NRAP: variants seen among roughly 807,000 people sequenced by gnomAD.
NRAP encodes nebulin related anchoring protein, also known as nebulin-related-anchoring protein.
In NRAP, 189 loss-of-function variants were observed where a neutral mutation model predicts 225.9. That is an observed-to-expected ratio of 0.84 (90% confidence interval 0.74 to 0.94). The LOEUF is 0.94. Among genes scored for constraint, NRAP ranks in the 40% least tolerant of loss-of-function variants. NRAP has a pLI of 0.00. For missense variants in NRAP, 2,176 were observed against 2,168.7 expected (o/e 1.00, Z -0.07); for synonymous variants, 769 against 790.7 (o/e 0.97, Z 0.46).
intron 16 of NRAP, among the ~76,000 whole-genome samples, chr10:113,632,386 C>T (rs111866484): frequency 1.7e-3 from 255 of 152,336 alleles, no homozygotes; most frequent in African/African-American, 5.7e-3. Flanking sequence ...ATTGCCCTGG[C>T]AATAACTACT....
chr10:113,608,461 T>C lies in NRAP; in HGVS notation c.3655A>G (p.Thr1219Ala), dbSNP rs1335631382. 3.7e-6 allele frequency: 6 copies of C among 1,613,680 alleles called. No individual in the cohort carries two copies. Among genetic ancestry groups the C allele is most frequent in the Admixed American group, 1.7e-5 (1 of 59,982 alleles). Residue 1219 changes from threonine (T) to alanine (A), a missense_variant, in exon 32 of 42, where the codon ACT becomes GCT. Coordinates refer to ENST00000359988, the MANE Select transcript of NRAP (RefSeq NM_198060.4). ...HSFKYTAVTD[T>A]PNLLHAKFSN... ...AATTTCGCATGAAGGAGGTTGGGAGTGTCTGTCACAGCTGTGTACTTGAAT... is the reference window on the plus strand; with the variant it reads ...AATTTCGCATGAAGGAGGTTGGGAGCGTCTGTCACAGCTGTGTACTTGAAT...
rs1849114299 is a variant in NRAP at position 113,640,162 on chromosome 10, A to G, written c.1428+65T>C. On this transcript the variant is annotated intron_variant, in intron 14 of 41. Coordinates refer to ENST00000359988, the MANE Select transcript of NRAP (RefSeq NM_198060.4). ...TGTTTCTTTCCATCTTGCTACCTAC[A>G]AATCACTCCTCAGGAAGGAAGCGAC... is the stretch of plus-strand genomic sequence containing the variant. 11 of 884,724 alleles carry G rather than the reference A, an allele frequency of 1.2e-5. No individual in the cohort carries two copies. In the East Asian group the frequency reaches 2.8e-4, roughly 23 times the overall value. The allele number at this position is 884,724 out of a possible 1,614,324, so 54.8% of individuals were successfully genotyped here.
chr10:113,637,922 C>A (rs1489422662), intron 14 of NRAP, among the ~76,000 whole-genome samples: 2 of 146,828 alleles, frequency 1.4e-5, no homozygotes, highest in Non-Finnish European at 3.0e-5. Context: ...AACTCTGTCT[C>A]AAAAAAAAAA....
intron 35 of NRAP, among the ~76,000 whole-genome samples, chr10:113,600,069 C>T (rs1490471071): frequency 1.3e-5 from 2 of 152,054 alleles, no homozygotes; most frequent in Admixed American, 6.5e-5. Flanking sequence ...AGAAACATTA[C>T]AATCAAGACC....
chr10:113,621,810 C>T, intron 24 of NRAP, 59 bp downstream of exon 24: 2 of 1,496,936 alleles, frequency 1.3e-6, no homozygotes, highest in Non-Finnish European at 1.8e-6. Context: ...AACACTTGCA[C>T]TAGCACACAC....
intron 14 of NRAP, among the ~76,000 whole-genome samples, chr10:113,639,088 T>C (rs1330215329): frequency 5.5e-5 from 3 of 54,800 alleles, no homozygotes; most frequent in East Asian, 1.0e-3. Context: ...GTAATGTATA[T>C]AGCAAAAAAA....
chr10:113,614,202 G>C lies in NRAP; in HGVS notation c.3281C>G (p.Ala1094Gly). 1 of 1,612,400 alleles carries C rather than the reference G, an allele frequency of 6.2e-7. No homozygotes were observed. The highest frequency in any genetic ancestry group is 8.5e-7 in the Non-Finnish European group (1 of 1,178,418). ...DDISLAHSVY[A>G]TSLQSDVNYK... ...ACTTACATCACTCTGCAGTGAGGTC[G>C]CATACACTGAATGTGCAAGGCTGAT... The change falls in exon 29 of 42, where the codon GCG (alanine) becomes GGG (glycine). Residue 1094 changes from alanine to glycine, a missense_variant. Transcript: ENST00000359988.
At position 113,615,711 on chromosome 10, in the gene NRAP, C is replaced by A. The variant is rs112306766; in HGVS notation, c.3078+1G>T. The A allele has an allele frequency of 6.3e-7, 1 of 1,582,350 alleles. No individual in the cohort carries two copies. Among genetic ancestry groups the A allele is most frequent in the Non-Finnish European group, 8.7e-7 (1 of 1,151,058 alleles). ...ACTCGTGCCCCTTGGGTCAGCCTCA[C>A]CTCACTGATATTCATGGCATTCAGC... is the stretch of plus-strand genomic sequence containing the variant. On this transcript the variant is annotated splice_donor_variant, in intron 27 of 41. Coordinates refer to ENST00000359988, the MANE Select transcript of NRAP (RefSeq NM_198060.4). LOFTEE classifies it high-confidence loss of function.
rs751149299 is a variant in NRAP, at chr10:113,631,561, G to C, written c.1790C>G (p.Thr597Arg). The C allele has an allele frequency of 1.2e-6, 2 of 1,613,454 alleles. No individual in the cohort carries two copies. Among genetic ancestry groups the C allele is most frequent in the Non-Finnish European group, 1.7e-6 (2 of 1,179,540 alleles). ...GGAGTGCAGAAGCCTAGAGTCGGCT[G>C]TTCCCATGGCTTTGCCTTTTGTCTT... ...YEKTKGKAMG[T>R]ADSRLLHSLQ... is the part of the protein sequence containing the mutation. The change falls in exon 18 of 42, where the codon ACA becomes AGA. Residue 597 changes from threonine to arginine, a missense_variant. By Grantham distance (71) the Thr-to-Arg change is moderately conservative. Transcript: ENST00000359988.
intron 38 of NRAP, among the ~76,000 whole-genome samples, chr10:113,593,115 G>A (rs1273103631): frequency 6.6e-6 from 1 of 152,114 alleles, no homozygotes; most frequent in Non-Finnish European, 1.5e-5. Flanking sequence ...CCAGTGGAGG[G>A]CTGTTCTTTA....
At position 113,645,944 on chromosome 10, in the gene NRAP, G is replaced by GAA. The variant is rs35741231; in HGVS notation, c.994-5_994-4dup. 564,043 of 1,221,218 alleles carry GAA rather than the reference G, an allele frequency of 0.46. 93,023 individuals carry two copies. Among genetic ancestry groups the GAA allele is most frequent in the East Asian group, 0.55 (20,827 of 37,718 alleles). 75.6% of individuals were successfully genotyped at this position (1,221,218 alleles called of 1,614,324 possible). Reference sequence around the variant, plus strand: ...TTGAAGTCCTGCCTGTATTTTATCTGAAAAAAAAAACACAAAACGGGGCTG... The same window carrying GAA: ...TTGAAGTCCTGCCTGTATTTTATCTGAAAAAAAAAAAACACAAAACGGGGCTG... On this transcript the variant is annotated splice_polypyrimidine_tract_variant and splice_region_variant and intron_variant, in intron 10 of 41. Coordinates refer to ENST00000359988, the MANE Select transcript of NRAP (RefSeq NM_198060.4).
At position 113,606,298 on chromosome 10, in the gene NRAP, A is replaced by T; in HGVS notation, c.3703-16T>A. ...TATAGAGGCGCTAGGCCAAAAAAAT[A>T]TAATAATAATAATGCAAGAGATAAG... is the stretch of plus-strand genomic sequence containing the variant. On this transcript the variant is annotated splice_polypyrimidine_tract_variant and intron_variant, in intron 32 of 41. Transcript: ENST00000359988. 5 of 1,418,678 alleles carry T rather than the reference A, an allele frequency of 3.5e-6. No homozygotes were observed. The highest frequency in any genetic ancestry group is 5.0e-6 in the Non-Finnish European group (5 of 1,002,572). The allele number at this position is 1,418,678 out of a possible 1,614,324, so 87.9% of individuals were successfully genotyped here. A position where few individuals can be genotyped will look rare whatever the true frequency, so the allele number is the denominator to read the frequency against.
At chr10:113,611,338 G>A (rs182485288) in intron 30 of NRAP, among the ~76,000 whole-genome samples, 4 of 152,280 alleles carry the variant, frequency 2.6e-5, no homozygotes, top group Admixed American at 1.3e-4. Context: ...TCTGAGTGCC[G>A]CTCAGATCGC....
At chr10:113,592,442 A>T in intron 38 of NRAP, 141 bp from the exon 39 acceptor site, 1 of 492,578 alleles carries the variant, frequency 2.0e-6, no homozygotes, top group Non-Finnish European at 3.6e-6. Context: ...CACCTTGGCG[A>T]CTCCCTAGCA....
intron 37 of NRAP, among the ~76,000 whole-genome samples, chr10:113,596,275 T>C (rs1218034380): frequency 6.6e-6 from 1 of 152,262 alleles, no homozygotes; most frequent in Non-Finnish European, 1.5e-5. Flanking sequence ...CTGGTTTCTA[T>C]TTTTAAAGCA....
At chr10:113,610,751 G>C (rs754749033) in intron 30 of NRAP, among the ~76,000 whole-genome samples, 188 bp from the exon 31 acceptor site, 13 of 152,284 alleles carry the variant, frequency 8.5e-5, no homozygotes, top group Middle Eastern at 3.4e-3. Flanking sequence ...TGCTCACTAG[G>C]GGGGAAGCAA....
intron 38 of NRAP, among the ~76,000 whole-genome samples, chr10:113,594,526 C>T (rs551282831): frequency 6.6e-6 from 1 of 152,308 alleles, no homozygotes; most frequent in South Asian, 2.1e-4. Flanking sequence ...GCCTTGCCTT[C>T]CCCCATCCTT....
chr10:113,649,925 A>G, intron 9 of NRAP, 112 bp downstream of exon 9: 1 of 655,598 alleles, frequency 1.5e-6, no homozygotes. Context: ...TTCATAAAAA[A>G]GGTAAAGATA....
chr10:113,632,026 A>AT (rs1554861290), intron 16 of NRAP, 62 bp from the exon 17 acceptor site: 28 of 1,083,638 alleles, frequency 2.6e-5, no homozygotes, highest in Non-Finnish European at 3.8e-5. Flanking sequence ...AACGTCAAAG[A>AT]TTTTTTCAAA....
Sources: gnomAD v4.1 joint callset for allele counts (sites outside exome capture counted in the v4.1 genomes callset) on GRCh38, gnomAD v4.1.1 for gene constraint, MANE v1.5 for transcripts, NCBI Gene and HGNC (gene_info 2026-07-23, HGNC 2026-07-21) for gene names.